The following RPH3A variants were observed in gnomAD, a reference collection of about 807,000 sequenced individuals.
RPH3A encodes rabphilin 3A.
A neutral mutation model predicts 102.2 loss-of-function variants in RPH3A; 48 were observed. The ratio of observed to expected loss-of-function variants is 0.47; its 90% CI spans 0.37 to 0.60. RPH3A has a LOEUF of 0.60. Among genes scored for constraint, RPH3A ranks in the 20% least tolerant of loss-of-function variants. The pLI, the probability that RPH3A is intolerant of heterozygous loss-of-function variation, is 0.00. For synonymous variants in RPH3A, 310 were observed against 324.3 expected, an observed-to-expected ratio of 0.96 and a Z score of 0.47; for missense variants, 781 against 910.1, an observed-to-expected ratio of 0.86 and a Z score of 1.83.
At chr12:112,736,834 A>G (rs1215437340) in intron 1 of RPH3A, among the ~76,000 whole-genome samples, 3 of 152,140 alleles carry the variant, frequency 2.0e-5, no homozygotes, top group African/African-American at 4.8e-5. Flanking sequence ...TTGAGGCTCA[A>G]CATATGTAAA....
chr12:112,770,429 T>C (rs2040919840), intron 1 of RPH3A, among the ~76,000 whole-genome samples: 1 of 152,168 alleles, frequency 6.6e-6, no homozygotes, highest in Non-Finnish European at 1.5e-5. Context: ...CACTACAACT[T>C]CTGCCTCCCT....
At chr12:112,857,842 A>G (rs2042435012) in intron 5 of RPH3A, among the ~76,000 whole-genome samples, 1 of 152,062 alleles carries the variant, frequency 6.6e-6, no homozygotes, top group Non-Finnish European at 1.5e-5. Context: ...TGTAGTTTCA[A>G]AAGACTTGCT....
At chr12:112,621,287 T>C (rs2039721258) in intron 1 of RPH3A, among the ~76,000 whole-genome samples, 1 of 150,920 alleles carries the variant, frequency 6.6e-6, no homozygotes, top group African/African-American at 2.4e-5. Flanking sequence ...TGCATTTCCA[T>C]CTGAGGTACC....
chr12:112,649,702 C>T (rs540175757), intron 1 of RPH3A, among the ~76,000 whole-genome samples: 13 of 152,284 alleles, frequency 8.5e-5, no homozygotes, highest in East Asian at 5.8e-4. Context: ...TAGCCTGTTA[C>T]GGCTGCCATA....
chr12:112,706,662 G>A (rs1046962971), intron 1 of RPH3A, among the ~76,000 whole-genome samples: 1 of 152,158 alleles, frequency 6.6e-6, no homozygotes, highest in Non-Finnish European at 1.5e-5. Flanking sequence ...CTGACCGAGT[G>A]TCTCACTCAA....
At chr12:112,731,332 T>C (rs554804418) in intron 1 of RPH3A, among the ~76,000 whole-genome samples, 1 of 152,296 alleles carries the variant, frequency 6.6e-6, no homozygotes, top group African/African-American at 2.4e-5. Flanking sequence ...AGATTCAATA[T>C]GTGGTATGTT....
intron 2 of RPH3A, among the ~76,000 whole-genome samples, chr12:112,793,769 C>A (rs532147249): frequency 6.6e-6 from 1 of 152,070 alleles, no homozygotes; most frequent in East Asian, 1.9e-4. Flanking sequence ...TGGTACTAAT[C>A]GATCAGAATG....
intron 1 of RPH3A, among the ~76,000 whole-genome samples, chr12:112,652,855 C>T (rs1338042088): frequency 6.6e-6 from 1 of 152,134 alleles, no homozygotes. Flanking sequence ...GAGATGTGCT[C>T]TGAGAAATGC....
At chr12:112,663,179 C>T (rs2136004440) in intron 1 of RPH3A, among the ~76,000 whole-genome samples, 1 of 151,858 alleles carries the variant, frequency 6.6e-6, no homozygotes, top group South Asian at 2.1e-4. Context: ...AACATATACC[C>T]TTAGATTCTC....
At chr12:112,812,939 A>G (rs1191715752) in intron 2 of RPH3A, among the ~76,000 whole-genome samples, 1 of 152,230 alleles carries the variant, frequency 6.6e-6, no homozygotes, top group Non-Finnish European at 1.5e-5. Context: ...GGCAGACTTG[A>G]TATCTGGAGA....
intron 2 of RPH3A, among the ~76,000 whole-genome samples, chr12:112,797,042 C>T (rs2041246468): frequency 6.7e-6 from 1 of 150,244 alleles, no homozygotes; most frequent in Non-Finnish European, 1.5e-5. Flanking sequence ...GACTCTGTCT[C>T]AAAAAAAAAG....
At chr12:112,767,721 T>C (rs2040899972) in intron 1 of RPH3A, among the ~76,000 whole-genome samples, 1 of 152,128 alleles carries the variant, frequency 6.6e-6, no homozygotes, top group East Asian at 1.9e-4. Flanking sequence ...ATGACAATAA[T>C]AGTATCATCC....
At chr12:112,629,685 C>T (rs768350659) in intron 1 of RPH3A, among the ~76,000 whole-genome samples, 33 of 151,716 alleles carry the variant, frequency 2.2e-4, no homozygotes, top group Non-Finnish European at 4.3e-4. Flanking sequence ...CTATGCTGCC[C>T]GGGCTGGTCT....
intron 1 of RPH3A, among the ~76,000 whole-genome samples, chr12:112,599,932 A>G (rs1276296461): frequency 6.6e-6 from 1 of 152,178 alleles, no homozygotes; most frequent in Non-Finnish European, 1.5e-5. Flanking sequence ...ACCCTCTCTC[A>G]GCCTCAGCCT....
intron 1 of RPH3A, among the ~76,000 whole-genome samples, chr12:112,694,157 C>T (rs2040328120): frequency 6.6e-6 from 1 of 152,236 alleles, no homozygotes; most frequent in African/African-American, 2.4e-5. Flanking sequence ...CGGTGCTCTT[C>T]CATGGCTCTC....
At chr12:112,725,980 A>G (rs1296388393) in intron 1 of RPH3A, among the ~76,000 whole-genome samples, 2 of 152,030 alleles carry the variant, frequency 1.3e-5, no homozygotes, top group East Asian at 3.9e-4. Context: ...TGTATTTAGT[A>G]CAGGCAGGGT....
intron 1 of RPH3A, among the ~76,000 whole-genome samples, chr12:112,761,831 G>C (rs1327306789): frequency 6.6e-6 from 1 of 152,192 alleles, no homozygotes; most frequent in African/African-American, 2.4e-5. Flanking sequence ...TAGAGTAAAT[G>C]CTTGACATTT....
At chr12:112,843,394 G>C (rs546169820) in intron 4 of RPH3A, among the ~76,000 whole-genome samples, 8 of 152,282 alleles carry the variant, frequency 5.3e-5, no homozygotes, top group African/African-American at 1.9e-4. Context: ...ATGTGTTCTG[G>C]AGCAGAGGAT....
At chr12:112,630,053 G>A (rs2039793230) in intron 1 of RPH3A, among the ~76,000 whole-genome samples, 1 of 151,884 alleles carries the variant, frequency 6.6e-6, no homozygotes. Flanking sequence ...AAGTCCATAT[G>A]TTTTGTTTTT....
Sources: allele counts gnomAD v4.1 joint callset (sites outside exome capture counted in the v4.1 genomes callset), GRCh38; gene constraint gnomAD v4.1.1; transcripts MANE v1.5; gene names NCBI Gene and HGNC (gene_info 2026-07-23, HGNC 2026-07-21).